The following OSBPL2 variants were observed in gnomAD, a reference collection of about 807,000 sequenced individuals.
OSBPL2 encodes oxysterol binding protein like 2.
Under a neutral mutation model 58.4 loss-of-function variants are expected in OSBPL2, and 18 were observed. The observed-to-expected ratio is 0.31, with a 90% CI of 0.21 to 0.46. OSBPL2 has a LOEUF of 0.46. OSBPL2 is among the 20% of genes least tolerant of loss of function. The probability of loss-of-function intolerance (pLI) is 1.00; values close to 1 mark genes in which losing one functional copy is unlikely to be tolerated. For synonymous variants in OSBPL2, 221 were observed against 234.1 expected (o/e 0.94, Z 0.51); for missense variants, 461 against 616.5 (o/e 0.75, Z 2.67).
chr20:62,272,076 C>G (rs371077156), intron 4 of OSBPL2, 49 bp from the exon 5 acceptor site: 22 of 1,606,184 alleles, frequency 1.4e-5, no homozygotes, highest in Non-Finnish European at 1.9e-5. Context: ...GGCAGCCCAG[C>G]GGTGTCAGGA....
At position 62,252,068 on chromosome 20, in the gene OSBPL2, G is replaced by A. The variant is rs1980593175; in HGVS notation, c.-128-3989G>A. ...CCGACTAATTTTTGTGTATTTTGTAGAGATGAGGTTTTGCAATGTTGCCCA... is the reference window on the plus strand; with the variant it reads ...CCGACTAATTTTTGTGTATTTTGTAAAGATGAGGTTTTGCAATGTTGCCCA... On this transcript the variant is annotated intron_variant, in intron 1 of 13. Transcript: ENST00000313733. 4.0e-5 allele frequency among the ~76,000 whole-genome samples: 6 copies of A among 151,004 alleles called. No homozygotes were observed. In the South Asian group the frequency reaches 1.3e-3, roughly 32 times the overall value.
intron 2 of OSBPL2, 111 bp from the exon 3 acceptor site, chr20:62,259,870 C>G (rs1981179119): frequency 1.1e-6 from 1 of 944,508 alleles, no homozygotes; most frequent in African/African-American, 1.7e-5. Context: ...TGTGTCCGTT[C>G]ACACAACTGA....
intron 1 of OSBPL2, among the ~76,000 whole-genome samples, chr20:62,245,958 A>G (rs1980077201): frequency 6.6e-6 from 1 of 152,246 alleles, no homozygotes; most frequent in Admixed American, 6.5e-5. Flanking sequence ...GGAGCAATCC[A>G]GGGAGGTCTG....
At chr20:62,259,907 C>G in intron 2 of OSBPL2, 74 bp from the exon 3 acceptor site, 1 of 1,395,258 alleles carries the variant, frequency 7.2e-7, no homozygotes, top group Non-Finnish European at 1.0e-6. Context: ...CTTGCATAGT[C>G]AGAATTCTTG....
intron 12 of OSBPL2, among the ~76,000 whole-genome samples, chr20:62,290,248 T>C (rs1983404084): frequency 6.6e-6 from 1 of 152,168 alleles, no homozygotes. Flanking sequence ...TATTTATTTA[T>C]GTTTAGAGTC....
intron 6 of OSBPL2, among the ~76,000 whole-genome samples, chr20:62,278,054 T>C (rs950787522): frequency 6.6e-6 from 1 of 152,218 alleles, no homozygotes; most frequent in African/African-American, 2.4e-5. Context: ...CTTCTCCACC[T>C]GCGTCTCTGG....
Position 62,272,010 on chromosome 20 carries a change from C to T in OSBPL2, c.259-115C>T, listed in dbSNP as rs534866623. On this transcript the variant is annotated intron_variant, in intron 4 of 13. Transcript: ENST00000313733. ...CTCACCCATGGGGGGTTTGAAGATC[C>T]GGTTCAACCCCAGAGGCTGCGGCTC... is the stretch of plus-strand genomic sequence containing the variant. The T allele has an allele frequency of 2.4e-4, 309 of 1,285,928 alleles. No homozygotes were observed. In the East Asian group the frequency reaches 3.6e-3, roughly 15 times the overall value. 79.7% of individuals were successfully genotyped at this position (1,285,928 alleles called of 1,614,324 possible).
intron 6 of OSBPL2, chr20:62,278,152 G>T: frequency 6.0e-6 from 1 of 167,216 alleles, no homozygotes; most frequent in South Asian, 1.1e-4. Context: ...TGCGCTCTCT[G>T]GGTGGGTCAG....
intron 2 of OSBPL2, among the ~76,000 whole-genome samples, chr20:62,257,771 G>A (rs542603190): frequency 6.0e-5 from 9 of 150,608 alleles, no homozygotes; most frequent in African/African-American, 2.0e-4. Flanking sequence ...CTGGAGTGCA[G>A]TGGCGTGATC....
chr20:62,292,925 T>G (rs1040553569), intron 13 of OSBPL2, among the ~76,000 whole-genome samples: 2 of 151,572 alleles, frequency 1.3e-5, no homozygotes, highest in Non-Finnish European at 2.9e-5. Flanking sequence ...TGGAGTGCAG[T>G]GGCGTGATCT....
At chr20:62,279,361 T>C (rs973665773) in intron 7 of OSBPL2, 22 bp downstream of exon 7, 4 of 1,609,488 alleles carry the variant, frequency 2.5e-6, no homozygotes, top group Non-Finnish European at 3.4e-6. Context: ...TGCGTCCTGC[T>C]GAGATCCGCT....
intron 1 of OSBPL2, among the ~76,000 whole-genome samples, chr20:62,242,071 T>C (rs753076764): frequency 2.6e-5 from 4 of 152,224 alleles, no homozygotes; most frequent in Non-Finnish European, 4.4e-5. Context: ...ATAGTTTAAA[T>C]GCACTTTCCA....
intron 1 of OSBPL2, among the ~76,000 whole-genome samples, chr20:62,241,292 A>G (rs980002633): frequency 6.6e-6 from 1 of 152,000 alleles, no homozygotes; most frequent in Non-Finnish European, 1.5e-5. Flanking sequence ...TCCCGGGTTC[A>G]CACCATTCTC....
At chr20:62,277,492 T>A (rs575668260) in intron 6 of OSBPL2, among the ~76,000 whole-genome samples, 11 of 152,338 alleles carry the variant, frequency 7.2e-5, no homozygotes, top group Admixed American at 7.2e-4. Context: ...TTCCAGATCG[T>A]CCTTGCCAGT....
rs377131403 is a variant in OSBPL2, at chr20:62,273,293, C to T, written c.394-16C>T. ...TAACTGAAGCTGTGCCTGTCCCCCC[C>T]GTGGATTATTTACAGTCTGTGGCTG... On this transcript the variant is annotated splice_polypyrimidine_tract_variant and intron_variant, in intron 5 of 13. Coordinates refer to ENST00000313733, the MANE Select transcript of OSBPL2 (RefSeq NM_144498.4). The T allele has an allele frequency of 2.2e-5, 35 of 1,602,678 alleles. No individual in the cohort carries two copies. Among genetic ancestry groups the T allele is most frequent in the East Asian group, 1.1e-4 (5 of 44,264 alleles).
At chr20:62,253,054 C>G (rs561267457) in intron 1 of OSBPL2, among the ~76,000 whole-genome samples, 21 of 152,368 alleles carry the variant, frequency 1.4e-4, no homozygotes, top group African/African-American at 5.0e-4. Context: ...AACCTGGGCT[C>G]AGTGTTCCGG....
chr20:62,282,121 ATCT>A (rs1189779363), intron 9 of OSBPL2: 6 of 329,776 alleles, frequency 1.8e-5, no homozygotes, highest in African/African-American at 1.0e-4. Context: ...TACTGGGGCC[ATCT>A]TCTTTTGATA....
chr20:62,276,171 C>T (rs2145957700), intron 6 of OSBPL2, among the ~76,000 whole-genome samples: 1 of 152,338 alleles, frequency 6.6e-6, no homozygotes, highest in Non-Finnish European at 1.5e-5. Flanking sequence ...CCCACCTTGG[C>T]CTCCCAAAGT....
rs1299000756 is a variant in OSBPL2 at position 62,293,672 on chromosome 20, C to G, written c.1341-113C>G. On this transcript the variant is annotated intron_variant, in intron 13 of 13. Transcript: ENST00000313733. ...GTTACGCTGGGCTGCATTTTAAAAC[C>G]CACGTTACCGTGATGGTGCTGAGTT... 22 of 860,054 alleles carry G rather than the reference C, an allele frequency of 2.6e-5. No individual in the cohort carries two copies. The South Asian group carries it at 3.0e-4, about 12-fold the overall frequency. 53.3% of individuals were successfully genotyped at this position (860,054 alleles called of 1,614,324 possible).
Sources: allele counts gnomAD v4.1 joint callset (sites outside exome capture counted in the v4.1 genomes callset), GRCh38; gene constraint gnomAD v4.1.1; transcripts MANE v1.5; gene names NCBI Gene and HGNC (gene_info 2026-07-23, HGNC 2026-07-21).